The following NCK2 variants were observed in gnomAD, a reference collection of about 807,000 sequenced individuals.
The protein encoded by NCK2 is cytoplasmic protein NCK2.
A neutral mutation model predicts 33.9 loss-of-function variants in NCK2; 16 were observed. The observed-to-expected ratio is 0.47, with a 90% CI of 0.32 to 0.72. NCK2 has a LOEUF of 0.72. Among genes scored for constraint, NCK2 ranks in the 30% least tolerant of loss-of-function variants. NCK2 has a pLI of 0.03. For synonymous variants in NCK2, 273 were observed against 239.9 expected (o/e 1.14, Z -1.27); for missense variants, 418 against 537.3 (o/e 0.78, Z 2.19).
At chr2:105,824,840 C>T (rs1319873463) in intron 2 of NCK2, among the ~76,000 whole-genome samples, 1 of 152,158 alleles carries the variant, frequency 6.6e-6, no homozygotes, top group African/African-American at 2.4e-5. Context: ...GGTTGCCATG[C>T]CCCACAGAAT....
At chr2:105,830,221 TC>T (rs1676115151) in intron 2 of NCK2, among the ~76,000 whole-genome samples, 1 of 152,130 alleles carries the variant, frequency 6.6e-6, no homozygotes, top group Non-Finnish European at 1.5e-5. Context: ...TTCCTATTCC[TC>T]CCTCTCCCCA....
chr2:105,838,077 G>A (rs572219296), intron 2 of NCK2, among the ~76,000 whole-genome samples: 32 of 150,226 alleles, frequency 2.1e-4, no homozygotes, highest in African/African-American at 2.2e-4. Flanking sequence ...TGTTAAGCCA[G>A]ACTTTCTGTT....
At chr2:105,792,422 A>G (rs914768629) in intron 1 of NCK2, among the ~76,000 whole-genome samples, 1 of 152,190 alleles carries the variant, frequency 6.6e-6, no homozygotes, top group African/African-American at 2.4e-5. Flanking sequence ...TCCAGACATC[A>G]ATTCCTGTCC....
intron 4 of NCK2, among the ~76,000 whole-genome samples, chr2:105,889,770 G>T (rs1157832586): frequency 1.3e-5 from 2 of 151,912 alleles, no homozygotes; most frequent in African/African-American, 4.8e-5. Flanking sequence ...ATTTTATGTA[G>T]AGATAGGGTC....
At chr2:105,810,169 C>T (rs1233191406) in intron 1 of NCK2, among the ~76,000 whole-genome samples, 3 of 152,092 alleles carry the variant, frequency 2.0e-5, no homozygotes, top group Non-Finnish European at 4.4e-5. Flanking sequence ...GCTTAATTAC[C>T]AAAGTAAAAC....
rs1186811351 is a variant in NCK2, at chr2:105,835,540, T to C, written c.-17+18927T>C. Among the ~76,000 whole-genome samples the C allele has an allele frequency of 1.3e-5, 2 of 150,680 alleles. 1 individual carries two copies. Among genetic ancestry groups the C allele is most frequent in the Admixed American group, 1.3e-4 (2 of 15,116 alleles). On this transcript the variant is annotated intron_variant, in intron 2 of 4. Coordinates refer to ENST00000233154, the MANE Select transcript of NCK2 (RefSeq NM_003581.5). ...GATTCTGTTTTATTTTACTTGATGTTTTTCTCCTGCTGTTTTCAGACTTCT... is the reference window on the plus strand; with the variant it reads ...GATTCTGTTTTATTTTACTTGATGTCTTTCTCCTGCTGTTTTCAGACTTCT...
At chr2:105,826,340 G>A (rs755693604) in intron 2 of NCK2, among the ~76,000 whole-genome samples, 12 of 152,138 alleles carry the variant, frequency 7.9e-5, no homozygotes, top group Non-Finnish European at 1.6e-4. Flanking sequence ...AACACATGGG[G>A]ATTATAGGGA....
chr2:105,850,502 G>A (rs1476957767), intron 2 of NCK2, among the ~76,000 whole-genome samples: 1 of 152,194 alleles, frequency 6.6e-6, no homozygotes, highest in Non-Finnish European at 1.5e-5. Flanking sequence ...GTCTTGCTAA[G>A]CTGTGTTTTA....
At chr2:105,768,819 A>G (rs1329856634) in intron 1 of NCK2, among the ~76,000 whole-genome samples, 1 of 152,158 alleles carries the variant, frequency 6.6e-6, no homozygotes, top group Non-Finnish European at 1.5e-5. Flanking sequence ...GAACAGCCCA[A>G]AGGAAGTGAC....
rs904350137 is a variant in NCK2 at position 105,787,892 on chromosome 2, C to T, written c.-200-28538C>T. On this transcript the variant is annotated intron_variant, in intron 1 of 4. Coordinates refer to ENST00000233154, the MANE Select transcript of NCK2 (RefSeq NM_003581.5). ...GATCTCATTCTGTTAGAAACACATG[C>T]GTATACCGCCCCCCACCGCCCCCGA... Among the ~76,000 whole-genome samples the T allele has an allele frequency of 9.2e-5, 14 of 152,160 alleles. No homozygotes were observed. The South Asian group carries it at 1.2e-3, about 14-fold the overall frequency.
At chr2:105,840,345 C>A (rs1415486189) in intron 2 of NCK2, among the ~76,000 whole-genome samples, 1 of 152,138 alleles carries the variant, frequency 6.6e-6, no homozygotes, top group Non-Finnish European at 1.5e-5. Context: ...GAGATGTTTT[C>A]TTCCGATTGC....
intron 3 of NCK2, among the ~76,000 whole-genome samples, chr2:105,867,681 C>T (rs993047767): frequency 7.2e-5 from 11 of 152,080 alleles, no homozygotes; most frequent in Admixed American, 5.2e-4. Flanking sequence ...TTGCTGTGTG[C>T]GCTTGGCTGG....
chr2:105,780,228 C>T (rs755041275), intron 1 of NCK2, among the ~76,000 whole-genome samples: 1 of 151,758 alleles, frequency 6.6e-6, no homozygotes, highest in Non-Finnish European at 1.5e-5. Flanking sequence ...ATTAATAAAA[C>T]CATTGCTTCT....
intron 1 of NCK2, among the ~76,000 whole-genome samples, chr2:105,799,384 G>C (rs1355484759): frequency 6.6e-6 from 1 of 152,086 alleles, no homozygotes; most frequent in East Asian, 1.9e-4. Flanking sequence ...CCTGTTGTGG[G>C]CGTGAGATGT....
intron 1 of NCK2, among the ~76,000 whole-genome samples, chr2:105,762,259 G>C (rs190690494): frequency 6.6e-6 from 1 of 152,180 alleles, no homozygotes; most frequent in Non-Finnish European, 1.5e-5. Context: ...AGGCCTTGCC[G>C]AGGAAACAGG....
At chr2:105,794,045 ATT>A (rs554091969) in intron 1 of NCK2, among the ~76,000 whole-genome samples, 280 of 109,494 alleles carry the variant, frequency 2.6e-3, no homozygotes, top group South Asian at 8.9e-3. Flanking sequence ...GTATCTTTCG[ATT>A]TTTTTTTTTT....
chr2:105,750,067 C>CACACACACACACACACACACACAA (rs1553449504), intron 1 of NCK2, among the ~76,000 whole-genome samples: 5 of 151,296 alleles, frequency 3.3e-5, no homozygotes, highest in Non-Finnish European at 3.0e-5. Context: ...CACACACACA[C>CACACACACACACACACACACACAA]AAAACAACAA....
intron 2 of NCK2, among the ~76,000 whole-genome samples, chr2:105,845,305 T>C (rs1199476140): frequency 1.3e-5 from 2 of 152,168 alleles, no homozygotes; most frequent in African/African-American, 4.8e-5. Flanking sequence ...GAATCGTGAG[T>C]AACAAGGTGG....
chr2:105,822,026 G>A lies in NCK2; in HGVS notation c.-17+5413G>A, dbSNP rs572964667. Among the ~76,000 whole-genome samples the A allele has an allele frequency of 1.2e-3, 180 of 152,026 alleles. 1 individual carries two copies. Among genetic ancestry groups the A allele is most frequent in the African/African-American group, 4.2e-3 (174 of 41,540 alleles). Reference sequence around the variant, plus strand: ...AATGTGAGGCTCTGGGAGATTAAATGACTTGGCCGGGGCTCCTAGGTGGCA... The same window carrying A: ...AATGTGAGGCTCTGGGAGATTAAATAACTTGGCCGGGGCTCCTAGGTGGCA... On this transcript the variant is annotated intron_variant, in intron 2 of 4. Transcript: ENST00000233154.
Sources: allele counts gnomAD v4.1 joint callset (sites outside exome capture counted in the v4.1 genomes callset), GRCh38; gene constraint gnomAD v4.1.1; transcripts MANE v1.5; gene names NCBI Gene and HGNC (gene_info 2026-07-23, HGNC 2026-07-21).